Variants in STK32A observed in about 807,000 individuals in gnomAD.
STK32A encodes the protein serine/threonine kinase 32A.
STK32A carries 41 observed loss-of-function variants against 53.2 expected under a neutral mutation model. The observed-to-expected ratio is 0.77, with a 90% CI of 0.60 to 1.00. The LOEUF (loss-of-function observed/expected upper bound fraction) is 1.00, where lower values mean the gene tolerates loss of function less well. Ranked by LOEUF, STK32A falls within the 50% of genes least tolerant of loss-of-function variation. The pLI, the probability that STK32A is intolerant of heterozygous loss-of-function variation, is 0.00. For missense variants in STK32A, 458 were observed against 485.8 expected (o/e 0.94, Z 0.54); for synonymous variants, 166 against 162.8 (o/e 1.02, Z -0.15).
At position 147,339,020 on chromosome 5, in the gene STK32A, A is replaced by G. The variant is rs190346970; in HGVS notation, c.435-3986A>G. ...AACCTATTTTCTGAGGAGAAATTCA[A>G]ACTGGCTGCGGAAATTTGCATCAGT... is the stretch of plus-strand genomic sequence containing the variant. On this transcript the variant is annotated intron_variant, in intron 5 of 12. Coordinates refer to ENST00000397936, the MANE Select transcript of STK32A (RefSeq NM_001112724.2). Among the ~76,000 whole-genome samples the G allele has an allele frequency of 3.7e-3, 559 of 152,382 alleles. 3 individuals are homozygous for G. The highest frequency in any genetic ancestry group is 0.013 in the African/African-American group (539 of 41,592).
intron 8 of STK32A, among the ~76,000 whole-genome samples, chr5:147,369,863 G>C (rs889917895): frequency 6.6e-6 from 1 of 152,044 alleles, no homozygotes; most frequent in South Asian, 2.1e-4. Flanking sequence ...ATAATCTCTG[G>C]CTGTGAGTAT....
the STK32A span, among the ~76,000 whole-genome samples, chr5:147,394,806 C>CCTCT: frequency 6.6e-6 from 1 of 152,156 alleles, no homozygotes; most frequent in Non-Finnish European, 1.5e-5. Flanking sequence ...GTCTCCCTTA[C>CCTCT]CTCTTTCTCC....
At chr5:147,285,789 ACAG>A (rs1467769658) in intron 4 of STK32A, among the ~76,000 whole-genome samples, 1 of 152,060 alleles carries the variant, frequency 6.6e-6, no homozygotes, top group African/African-American at 2.4e-5. Context: ...AAATCAAAAA[ACAG>A]CAGATGTTGG....
chr5:147,378,543 A>G (rs534341822), intron 11 of STK32A, among the ~76,000 whole-genome samples: 67 of 152,198 alleles, frequency 4.4e-4, no homozygotes, highest in Middle Eastern at 6.8e-3. Context: ...CATATTAGCT[A>G]TAGCTTAGCC....
intron 2 of STK32A, among the ~76,000 whole-genome samples, chr5:147,258,659 ATTC>A (rs1253874640): frequency 1.6e-5 from 2 of 127,962 alleles, no homozygotes; most frequent in Non-Finnish European, 3.0e-5. Context: ...ACTATATAAC[ATTC>A]TTTTTACATA....
chr5:147,237,365 A>G (rs534823423), intron 1 of STK32A, among the ~76,000 whole-genome samples: 1 of 152,264 alleles, frequency 6.6e-6, no homozygotes, highest in Admixed American at 6.5e-5. Context: ...TTCTAGTGCC[A>G]TCAGTGGTTC....
rs1753161399 is a variant in STK32A, at chr5:147,301,972, T to G, written c.261-21926T>G. 2.0e-5 allele frequency among the ~76,000 whole-genome samples: 3 copies of G among 152,332 alleles called. No individual in the cohort carries two copies. The South Asian group carries it at 6.2e-4, about 32-fold the overall frequency. On this transcript the variant is annotated intron_variant, in intron 4 of 12. Transcript: ENST00000397936. Reference sequence around the variant, plus strand: ...TGACTCTGACTTCATGTTCTCCTTATTCATCTTTTAAGGCCCCTTGTGATT... The same window carrying G: ...TGACTCTGACTTCATGTTCTCCTTAGTCATCTTTTAAGGCCCCTTGTGATT...
intron 2 of STK32A, among the ~76,000 whole-genome samples, chr5:147,269,773 T>C (rs1343187138): frequency 6.6e-6 from 1 of 152,208 alleles, no homozygotes; most frequent in African/African-American, 2.4e-5. Context: ...GCTGTATATG[T>C]GAAATATTTA....
intron 10 of STK32A, 59 bp downstream of exon 10, chr5:147,373,353 C>A (rs1757090605): frequency 1.3e-6 from 2 of 1,591,550 alleles, no homozygotes; most frequent in East Asian, 4.5e-5. Flanking sequence ...CCCGGTGTGC[C>A]AGATTCACAC....
chr5:147,399,477 GCC>G, the STK32A span, among the ~76,000 whole-genome samples: 238 of 141,748 alleles, frequency 1.7e-3, no homozygotes, highest in African/African-American at 5.7e-3. Context: ...AGAAGTTACT[GCC>G]CCTGAAGTAT....
At chr5:147,293,715 A>T (rs1051220790) in intron 4 of STK32A, among the ~76,000 whole-genome samples, 1 of 152,016 alleles carries the variant, frequency 6.6e-6, no homozygotes, top group Non-Finnish European at 1.5e-5. Flanking sequence ...TAGGGACAGC[A>T]TGAGGCAAAC....
At chr5:147,393,981 T>C in the STK32A span, 2 of 1,570,452 alleles carry the variant, frequency 1.3e-6, no homozygotes, top group Non-Finnish European at 8.8e-7. Context: ...TGTACCATTT[T>C]GGCTTCAAAA....
At chr5:147,268,211 C>T (rs532918696) in intron 2 of STK32A, among the ~76,000 whole-genome samples, 2 of 152,202 alleles carry the variant, frequency 1.3e-5, no homozygotes, top group African/African-American at 4.8e-5. Context: ...ATTTATGTTT[C>T]ATCTCTTTTC....
At chr5:147,260,772 G>A (rs895705151) in intron 2 of STK32A, among the ~76,000 whole-genome samples, 2 of 152,146 alleles carry the variant, frequency 1.3e-5, no homozygotes, top group Admixed American at 6.5e-5. Context: ...GGCGGGATAC[G>A]CCCTAAGCCA....
At chr5:147,348,832 G>A in intron 6 of STK32A, 2 of 709,026 alleles carry the variant, frequency 2.8e-6, no homozygotes, top group South Asian at 1.5e-5. Context: ...CTTGCCAAAT[G>A]CTGTGCTAAG....
At chr5:147,317,323 C>CAT (rs1754048417) in intron 4 of STK32A, among the ~76,000 whole-genome samples, 7 of 81,310 alleles carry the variant, frequency 8.6e-5, no homozygotes. Flanking sequence ...CTTTTTCTTT[C>CAT]TTTTTTTTTT....
chr5:147,389,239 G>A (rs1282065982), downstream of STK32A, among the ~76,000 whole-genome samples: 1 of 152,082 alleles, frequency 6.6e-6, no homozygotes, highest in Non-Finnish European at 1.5e-5. Flanking sequence ...ACATCACCAG[G>A]CAAAACATTC....
At chr5:147,242,695 G>C (rs554490482) in intron 2 of STK32A, among the ~76,000 whole-genome samples, 1 of 152,280 alleles carries the variant, frequency 6.6e-6, no homozygotes, top group South Asian at 2.1e-4. Flanking sequence ...ATATCTTAAC[G>C]TTCTCTCATG....
intron 5 of STK32A, among the ~76,000 whole-genome samples, chr5:147,335,071 T>G (rs1341855097): frequency 6.6e-6 from 1 of 152,196 alleles, no homozygotes; most frequent in African/African-American, 2.4e-5. Context: ...GTGAATGCAG[T>G]CCCTCTCTCA....
Sources: allele counts gnomAD v4.1 joint callset (sites outside exome capture counted in the v4.1 genomes callset), GRCh38; gene constraint gnomAD v4.1.1; transcripts MANE v1.5; gene names NCBI Gene and HGNC (gene_info 2026-07-23, HGNC 2026-07-21).